The following MAP3K19 variants were observed in gnomAD, a reference collection of about 807,000 sequenced individuals.
MAP3K19 encodes mitogen-activated protein kinase kinase kinase 19.
In MAP3K19, 91 loss-of-function variants were observed where a neutral mutation model predicts 114.4. The ratio of observed to expected loss-of-function variants is 0.80; its 90% CI spans 0.67 to 0.95. MAP3K19 has a LOEUF of 0.95. MAP3K19 is among the 40% of genes least tolerant of loss of function. The probability of loss-of-function intolerance (pLI) is 0.00; values close to 1 mark genes in which losing one functional copy is unlikely to be tolerated. For synonymous variants in MAP3K19, 518 were observed against 530.5 expected (o/e 0.98, Z 0.32); for missense variants, 1,471 against 1,573.2 (o/e 0.94, Z 1.10).
intron 9 of MAP3K19, among the ~76,000 whole-genome samples, chr2:134,990,082 CAA>C (rs35382282): frequency 1.5e-5 from 2 of 134,772 alleles, no homozygotes; most frequent in Admixed American, 7.5e-5. Context: ...GACTCTGTCT[CAA>C]AAAAAAAAAA....
intron 5 of MAP3K19, among the ~76,000 whole-genome samples, chr2:135,017,390 G>A (rs1437179735): frequency 6.6e-6 from 1 of 152,184 alleles, no homozygotes; most frequent in East Asian, 1.9e-4. Context: ...AAGGAGGATG[G>A]ATGCAATCTC....
At chr2:134,997,674 C>G (rs1202270431) in intron 8 of MAP3K19, among the ~76,000 whole-genome samples, 1 of 152,000 alleles carries the variant, frequency 6.6e-6, no homozygotes, top group Non-Finnish European at 1.5e-5. Flanking sequence ...CAAAAATTAG[C>G]TGGGCGTGGT....
At chr2:135,029,553 A>T (rs979199347) in intron 3 of MAP3K19, among the ~76,000 whole-genome samples, 12 of 152,190 alleles carry the variant, frequency 7.9e-5, no homozygotes, top group African/African-American at 2.9e-4. Flanking sequence ...TGGTTTTGTT[A>T]TATCTCTTCT....
Position 134,986,049 on chromosome 2 carries a change from C to T in MAP3K19, c.2823G>A (p.Met941Ile), listed in dbSNP as rs200722685. 6.2e-7 allele frequency: 1 copy of T among 1,613,844 alleles called. No homozygotes were observed. Among genetic ancestry groups the T allele is most frequent in the East Asian group, 2.2e-5 (1 of 44,868 alleles). The change falls in exon 10 of 13, where the codon ATG (methionine) becomes ATA (isoleucine). Residue 941 changes from methionine (M) to isoleucine (I), a missense_variant. Transcript: ENST00000392915. ...TTGTGCCACTTAAGGTTTTTCCAAACATTTGATATGTGATTGACTTATTTG... is the reference window on the plus strand; with the variant it reads ...TTGTGCCACTTAAGGTTTTTCCAAATATTTGATATGTGATTGACTTATTTG... ...SLANKSITYQ[M>I]FGKTLSGTNS...
chr2:135,028,351 T>C (rs1011719824), intron 3 of MAP3K19, among the ~76,000 whole-genome samples: 1 of 151,594 alleles, frequency 6.6e-6, no homozygotes, highest in Non-Finnish European at 1.5e-5. Flanking sequence ...AGCCCAGGAG[T>C]TTGAGACCAG....
At chr2:135,021,927 G>A (rs1278565981) in intron 4 of MAP3K19, 97 bp from the exon 5 acceptor site, 15 of 693,838 alleles carry the variant, frequency 2.2e-5, no homozygotes, top group Non-Finnish European at 3.4e-5. Flanking sequence ...GCTCCATTTT[G>A]TCAAAGATTT....
intron 8 of MAP3K19, among the ~76,000 whole-genome samples, chr2:134,993,649 TA>T (rs936081765): frequency 6.6e-6 from 1 of 152,262 alleles, no homozygotes; most frequent in East Asian, 1.9e-4. Context: ...CTGAATTTTT[TA>T]AAAAAACGCT....
In MAP3K19 at chr2:134,998,851, T is replaced by C. The variant is rs770537814; in HGVS notation, c.461A>G (p.Asn154Ser). Residue 154 changes from asparagine to serine, a missense_variant, in exon 8 of 13, where the codon AAT (asparagine) becomes AGT (serine). Coordinates refer to ENST00000392915, the MANE Select transcript of MAP3K19 (RefSeq NM_025052.5). ...TGGTAGCAAAAAGCCCAAGTTCACA[T>C]TGCAGAGCTCCCTGGAACTTTCCTC... The part of the protein sequence containing the change: ...QKEESSRELC[N>S]VNLGFLLPRS... The C allele has an allele frequency of 6.2e-7, 1 of 1,614,234 alleles. No individual in the cohort carries two copies. Among genetic ancestry groups the C allele is most frequent in the Non-Finnish European group, 8.5e-7 (1 of 1,180,034 alleles).
intron 2 of MAP3K19, among the ~76,000 whole-genome samples, chr2:135,036,680 T>TGA (rs1688537670): frequency 7.1e-6 from 1 of 141,386 alleles, no homozygotes; most frequent in South Asian, 2.4e-4. Context: ...TGTGTGTGTG[T>TGA]GATATGTGCT....
intron 4 of MAP3K19, among the ~76,000 whole-genome samples, chr2:135,024,065 C>T (rs11900832): frequency 0.26 from 40,140 of 152,010 alleles, 7,128 homozygotes; most frequent in African/African-American, 0.48. Context: ...AGCAAGGGGC[C>T]TCTGCTCCAC....
rs752505715 is a variant in MAP3K19, at chr2:134,980,981, C to T, written c.3760G>A (p.Gly1254Ser). 4 of 1,614,180 alleles carry T rather than the reference C, an allele frequency of 2.5e-6. No homozygotes were observed. Among genetic ancestry groups the T allele is most frequent in the Non-Finnish European group, 3.4e-6 (4 of 1,180,042 alleles). Residue 1254 changes from glycine (G) to serine (S), a missense_variant, in exon 12 of 13, where the codon GGT (glycine) becomes AGT (serine). Transcript: ENST00000392915. ...GTAGCCATCTCAAACACAGTACAACCAATGCTCCAGATATCTGATTTCCGT... is the reference window on the plus strand; with the variant it reads ...GTAGCCATCTCAAACACAGTACAACTAATGCTCCAGATATCTGATTTCCGT... Reference protein sequence around the residue: ...YGRKSDIWSIGCTVFEMATGK... With the variant: ...YGRKSDIWSISCTVFEMATGK...
chr2:134,983,632 G>C (rs564760913), intron 11 of MAP3K19, 44 bp downstream of exon 11: 278 of 1,444,916 alleles, frequency 1.9e-4, no homozygotes, highest in Middle Eastern at 1.3e-3. Flanking sequence ...GAGGGACTGT[G>C]GGGGGGTGGG....
chr2:135,017,533 T>C (rs1687659167), intron 5 of MAP3K19, among the ~76,000 whole-genome samples: 1 of 152,122 alleles, frequency 6.6e-6, no homozygotes, highest in Non-Finnish European at 1.5e-5. Context: ...TCTGTGAGGG[T>C]GGGGAAGGAG....
intron 12 of MAP3K19, among the ~76,000 whole-genome samples, chr2:134,973,964 T>A (rs1168708041): frequency 6.6e-6 from 1 of 152,224 alleles, no homozygotes; most frequent in Non-Finnish European, 1.5e-5. Context: ...TGGCTGACAG[T>A]TTTGTTTTGT....
intron 12 of MAP3K19, 65 bp downstream of exon 12, chr2:134,980,756 G>A (rs957687117): frequency 2.8e-6 from 4 of 1,443,806 alleles, no homozygotes; most frequent in Non-Finnish European, 2.9e-6. Flanking sequence ...TAAATTGAAA[G>A]GGAAATGTCT....
At chr2:135,016,722 C>T (rs1687606576) in intron 5 of MAP3K19, among the ~76,000 whole-genome samples, 1 of 152,180 alleles carries the variant, frequency 6.6e-6, no homozygotes, top group Middle Eastern at 3.2e-3. Context: ...TCTTTTATTG[C>T]TCCATATATT....
intron 3 of MAP3K19, among the ~76,000 whole-genome samples, chr2:135,029,450 A>G (rs1015910860): frequency 2.6e-5 from 4 of 152,202 alleles, no homozygotes; most frequent in African/African-American, 9.6e-5. Context: ...AGTAAAATAC[A>G]TTGTCTTTCA....
At chr2:135,005,293 T>C in intron 6 of MAP3K19, 142 bp downstream of exon 6, 1 of 623,132 alleles carries the variant, frequency 1.6e-6, no homozygotes, top group Non-Finnish European at 2.8e-6. Context: ...TTCCTGATCC[T>C]CTCCCTCCTC....
Position 134,986,429 on chromosome 2 carries a change from T to C in MAP3K19, c.2443A>G (p.Met815Val), listed in dbSNP as rs767215591. The C allele has an allele frequency of 2.1e-5, 34 of 1,614,038 alleles. No homozygotes were observed. Among genetic ancestry groups the C allele is most frequent in the Non-Finnish European group, 2.5e-5 (30 of 1,180,030 alleles). The change falls in exon 10 of 13, where the codon ATG becomes GTG. Residue 815 changes from methionine (M) to valine (V), a missense_variant. Coordinates refer to ENST00000392915, the MANE Select transcript of MAP3K19 (RefSeq NM_025052.5). Reference protein sequence around the residue: ...SDLSIVEEVSMEESTGDRDIS... With the variant: ...SDLSIVEEVSVEESTGDRDIS... ...TCTCTATCACCAGTAGACTCTTCCATAGAAACTTCTTCAACAATGGATAAA... is the reference window on the plus strand; with the variant it reads ...TCTCTATCACCAGTAGACTCTTCCACAGAAACTTCTTCAACAATGGATAAA...
Sources: gnomAD v4.1 joint callset for allele counts (sites outside exome capture counted in the v4.1 genomes callset) on GRCh38, gnomAD v4.1.1 for gene constraint, MANE v1.5 for transcripts, NCBI Gene and HGNC (gene_info 2026-07-23, HGNC 2026-07-21) for gene names.